Variants in AKAP7 observed in about 807,000 individuals in gnomAD.
AKAP7 encodes the protein A kinase (PRKA) anchor protein 7.
Under a neutral mutation model 39.5 loss-of-function variants are expected in AKAP7, and 39 were observed. That is an observed-to-expected ratio of 0.99 (90% CI 0.76 to 1.29). The LOEUF is 1.29. Among genes scored for constraint, AKAP7 ranks in the 50% most tolerant of loss-of-function variants. The pLI, the probability that AKAP7 is intolerant of heterozygous loss-of-function variation, is 0.00. For synonymous variants in AKAP7, 140 were observed against 139.1 expected (o/e 1.01, Z -0.05); for missense variants, 414 against 407.7 (o/e 1.02, Z -0.13).
chr6:131,235,932 G>A (rs1396820298), intron 7 of AKAP7, among the ~76,000 whole-genome samples: 1 of 152,088 alleles, frequency 6.6e-6, no homozygotes, highest in African/African-American at 2.4e-5. Context: ...GTCAATTTTG[G>A]CTTTTGTTGC....
intron 1 of AKAP7, among the ~76,000 whole-genome samples, chr6:131,138,493 A>G (rs1016098930): frequency 3.3e-5 from 5 of 152,182 alleles, no homozygotes; most frequent in African/African-American, 7.2e-5. Flanking sequence ...ATCTTTGAGC[A>G]TGGATGATAG....
the AKAP7 span, among the ~76,000 whole-genome samples, chr6:131,127,867 C>T: frequency 6.6e-6 from 1 of 152,176 alleles, no homozygotes. Context: ...GAAATCATGT[C>T]CTTTGCAGGA....
Position 131,162,699 on chromosome 6 carries a change from C to T in AKAP7, c.292-2382C>T, listed in dbSNP as rs3777468. ...CCGAGCTCTTCTACCCTTCCTTGGG[C>T]TTGCCAGGTTCCCTTGGCCCCAGGA... On this transcript the variant is annotated intron_variant, in intron 3 of 7. Coordinates refer to ENST00000431975, the MANE Select transcript of AKAP7 (RefSeq NM_016377.4). Among the ~76,000 whole-genome samples the T allele has an allele frequency of 0.012, 1,770 of 152,280 alleles. 119 individuals carry two copies. The East Asian group carries it at 0.18, about 15-fold the overall frequency.
At chr6:131,153,307 ACTGT>A (rs985222011) in intron 2 of AKAP7, among the ~76,000 whole-genome samples, 16 of 152,296 alleles carry the variant, frequency 1.1e-4, no homozygotes, top group Admixed American at 5.2e-4. Context: ...AAAACTACAC[ACTGT>A]CTGTGATGCC....
chr6:131,134,392 A>T, upstream of AKAP7, among the ~76,000 whole-genome samples: 1 of 152,218 alleles, frequency 6.6e-6, no homozygotes, highest in Non-Finnish European at 1.5e-5. Context: ...GAACTGTTTT[A>T]AGCTCAAGAA....
chr6:131,224,682 A>G (rs1809993991), intron 7 of AKAP7, among the ~76,000 whole-genome samples: 1 of 151,610 alleles, frequency 6.6e-6, no homozygotes, highest in Non-Finnish European at 1.5e-5. Context: ...CTTAAAAAAA[A>G]AATCAGTTAG....
At chr6:131,228,665 A>G (rs1034520352) in intron 7 of AKAP7, among the ~76,000 whole-genome samples, 1 of 152,042 alleles carries the variant, frequency 6.6e-6, no homozygotes, top group African/African-American at 2.4e-5. Context: ...CTTTTAAAAT[A>G]TACTTTAGGT....
chr6:131,256,198 T>G (rs1554219622), intron 7 of AKAP7, among the ~76,000 whole-genome samples: 1 of 152,214 alleles, frequency 6.6e-6, no homozygotes, highest in Non-Finnish European at 1.5e-5. Flanking sequence ...TGCGTAAGAT[T>G]TCTGTGGGTA....
At chr6:131,202,406 T>G (rs1324527025) in intron 6 of AKAP7, among the ~76,000 whole-genome samples, 3 of 148,550 alleles carry the variant, frequency 2.0e-5, no homozygotes, top group Non-Finnish European at 3.0e-5. Context: ...GTGGCACATA[T>G]ACACCATGGA....
intron 7 of AKAP7, among the ~76,000 whole-genome samples, chr6:131,249,890 A>G (rs1812302623): frequency 6.6e-6 from 1 of 152,208 alleles, no homozygotes; most frequent in Non-Finnish European, 1.5e-5. Context: ...GAATAAGGCA[A>G]TATATCAGAA....
At chr6:131,243,689 A>T (rs1228895693) in intron 7 of AKAP7, among the ~76,000 whole-genome samples, 1 of 152,224 alleles carries the variant, frequency 6.6e-6, no homozygotes, top group East Asian at 1.9e-4. Flanking sequence ...ACACTGGGCC[A>T]CTTTCAGAGC....
At chr6:131,211,097 A>T (rs1808602767) in intron 6 of AKAP7, among the ~76,000 whole-genome samples, 1 of 152,196 alleles carries the variant, frequency 6.6e-6, no homozygotes, top group Non-Finnish European at 1.5e-5. Flanking sequence ...CAAAGTGGGT[A>T]TGTGATGGAC....
chr6:131,185,513 T>C, intron 5 of AKAP7: 1 of 289,920 alleles, frequency 3.4e-6, no homozygotes, highest in Non-Finnish European at 6.6e-6. Context: ...CCTCCAGTAA[T>C]GGCCATTCTA....
chr6:131,160,094 C>T lies in AKAP7; in HGVS notation c.187C>T (p.Gln63Ter). ...ACCTCAAATAAATTTGAAGAGAAGT[C>T]AAGAAAATGAATGGGTCAAGAGTGA... ...DEPQINLKRS[Q>*]ENEWVKSDQV... The change falls in exon 3 of 8, where the codon CAA becomes TAA. Residue 63 changes from glutamine to a stop codon, truncating the protein, a stop_gained. Transcript: ENST00000431975. LOFTEE classifies it high-confidence loss of function. 6.3e-7 allele frequency: 1 copy of T among 1,592,236 alleles called. No individual in the cohort carries two copies. The highest frequency in any genetic ancestry group is 8.5e-7 in the Non-Finnish European group (1 of 1,174,334).
chr6:131,181,721 C>T (rs1377324127), intron 5 of AKAP7, among the ~76,000 whole-genome samples: 1 of 152,126 alleles, frequency 6.6e-6, no homozygotes, highest in Non-Finnish European at 1.5e-5. Context: ...TTAGAGGTCC[C>T]CTGAGGCACT....
rs76082454 is a variant in AKAP7, at chr6:131,250,008, A to G, written c.850+30200A>G. On this transcript the variant is annotated intron_variant, in intron 7 of 7. Coordinates refer to ENST00000431975, the MANE Select transcript of AKAP7 (RefSeq NM_016377.4). ...GTTCATGCAGTTTGCTAGGTAGTTAATGGTACTTCATACAAGTTGTGATTC... is the reference window on the plus strand; with the variant it reads ...GTTCATGCAGTTTGCTAGGTAGTTAGTGGTACTTCATACAAGTTGTGATTC... Among the ~76,000 whole-genome samples the G allele has an allele frequency of 9.2e-3, 1,400 of 152,302 alleles. 16 individuals carry two copies. Among genetic ancestry groups the G allele is most frequent in the Admixed American group, 0.036 (557 of 15,286 alleles).
chr6:131,281,277 G>A lies in AKAP7; in HGVS notation c.851-253G>A, dbSNP rs1281562014. ...AAGAACAGAAATTCACATATAAATGGGAAACATCCGGCATTGGTAGGTAGA... is the reference window on the plus strand; with the variant it reads ...AAGAACAGAAATTCACATATAAATGAGAAACATCCGGCATTGGTAGGTAGA... On this transcript the variant is annotated intron_variant, in intron 7 of 7. Transcript: ENST00000431975. This position sits in a 1 kb window ranked among gnomAD's most constrained non-coding sequence, Gnocchi z 4.0. Among the ~76,000 whole-genome samples the A allele has an allele frequency of 6.6e-5, 10 of 152,150 alleles. No homozygotes were observed. The highest frequency in any genetic ancestry group is 6.5e-4 in the Admixed American group (10 of 15,272).
intron 1 of AKAP7, 127 bp downstream of exon 1, chr6:131,135,909 C>A: frequency 1.9e-6 from 2 of 1,061,982 alleles, no homozygotes; most frequent in African/African-American, 1.7e-5. Context: ...TCCCTCCTTC[C>A]CAAAAGGACT....
At chr6:131,168,892 G>A (rs1171934533) in intron 4 of AKAP7, among the ~76,000 whole-genome samples, 1 of 152,000 alleles carries the variant, frequency 6.6e-6, no homozygotes, top group African/African-American at 2.4e-5. Flanking sequence ...GTCTTTAATA[G>A]TGATTATAAT....
Sources: gnomAD v4.1 joint callset for allele counts (sites outside exome capture counted in the v4.1 genomes callset) on GRCh38, gnomAD v4.1.1 for gene constraint, Gnocchi (gnomAD v3.1) non-coding constraint, MANE v1.5 for transcripts, NCBI Gene and HGNC (gene_info 2026-07-23, HGNC 2026-07-21) for gene names.